EXOC6B: variants seen among roughly 807,000 people sequenced by gnomAD.
EXOC6B encodes SEC15 homolog B.
In EXOC6B, 54 loss-of-function variants were observed where a neutral mutation model predicts 113.5. The observed-to-expected ratio is 0.48, with a 90% CI of 0.38 to 0.60. The LOEUF is 0.60. EXOC6B is among the 20% of genes least tolerant of loss of function. EXOC6B has a pLI of 0.00. For missense variants in EXOC6B, 797 were observed against 977.5 expected, an observed-to-expected ratio of 0.82 and a Z score of 2.46; for synonymous variants, 357 against 339.0, an observed-to-expected ratio of 1.05 and a Z score of -0.58.
intron 20 of EXOC6B, among the ~76,000 whole-genome samples, chr2:72,329,723 G>A (rs1271480060): frequency 6.6e-6 from 1 of 152,008 alleles, no homozygotes; most frequent in Non-Finnish European, 1.5e-5. Flanking sequence ...ACATAGTTAA[G>A]TTCTTGAGTT....
intron 20 of EXOC6B, among the ~76,000 whole-genome samples, chr2:72,305,364 A>ATGTATATGTATATGTATT (rs1553370859): frequency 6.6e-5 from 10 of 151,350 alleles, no homozygotes; most frequent in African/African-American, 1.5e-4. Flanking sequence ...GTATATGTAT[A>ATGTATATGTATATGTATT]TGTATATGTG....
intron 18 of EXOC6B, among the ~76,000 whole-genome samples, chr2:72,427,455 G>A (rs1311254320): frequency 6.6e-6 from 1 of 152,186 alleles, no homozygotes; most frequent in East Asian, 1.9e-4. Context: ...CACTCCTGGT[G>A]CCCACTCCCA....
intron 6 of EXOC6B, among the ~76,000 whole-genome samples, chr2:72,669,562 A>T (rs1260034744): frequency 1.3e-5 from 2 of 152,188 alleles, no homozygotes; most frequent in African/African-American, 4.8e-5. Flanking sequence ...AACAAACCAA[A>T]CAGTATCCTT....
chr2:72,270,472 A>C (rs2104624690), intron 20 of EXOC6B, among the ~76,000 whole-genome samples: 1 of 152,278 alleles, frequency 6.6e-6, no homozygotes, highest in East Asian at 1.9e-4. Context: ...TAAAAGACTA[A>C]AAAATTTGAA....
At chr2:72,751,543 G>C (rs1312198357) in intron 1 of EXOC6B, among the ~76,000 whole-genome samples, 1 of 152,012 alleles carries the variant, frequency 6.6e-6, no homozygotes, top group Non-Finnish European at 1.5e-5. Context: ...CGAGAGGAAG[G>C]GTCCATTGAG....
rs1181761717 is a variant in EXOC6B at position 72,595,446 on chromosome 2, AAAAAC to A, written c.670-19783_670-19779del. 2.0e-5 allele frequency among the ~76,000 whole-genome samples: 3 copies of A among 150,812 alleles called. No individual in the cohort carries two copies. In the East Asian group the frequency reaches 5.8e-4, roughly 29 times the overall value. On this transcript the variant is annotated intron_variant, in intron 6 of 21. Transcript: ENST00000272427. ...AAAAATAATTTTGTGTAGTAAAAGA[AAAAAC>A]AAAAACTTTTCTATAATATCAAGAA... is the stretch of plus-strand genomic sequence containing the variant.
At chr2:72,617,128 T>C (rs1671427855) in intron 6 of EXOC6B, among the ~76,000 whole-genome samples, 1 of 152,228 alleles carries the variant, frequency 6.6e-6, no homozygotes. Flanking sequence ...ATGTCTCGCA[T>C]CCAGGTCACT....
intron 6 of EXOC6B, among the ~76,000 whole-genome samples, chr2:72,610,549 C>T (rs1002166618): frequency 6.6e-6 from 1 of 152,142 alleles, no homozygotes; most frequent in Non-Finnish European, 1.5e-5. Context: ...CCTGAAAGAA[C>T]TCCCAATCTG....
At chr2:72,762,104 C>T (rs1170423441) in intron 1 of EXOC6B, among the ~76,000 whole-genome samples, 18 of 151,866 alleles carry the variant, frequency 1.2e-4, no homozygotes, top group Non-Finnish European at 2.1e-4. Context: ...ATTAGCTGGG[C>T]GTGGTGGCAT....
At chr2:72,661,719 A>G (rs1328309006) in intron 6 of EXOC6B, among the ~76,000 whole-genome samples, 1 of 152,110 alleles carries the variant, frequency 6.6e-6, no homozygotes, top group African/African-American at 2.4e-5. Flanking sequence ...ATTTATATAG[A>G]GAAGCAAAGA....
chr2:72,402,993 A>G (rs530118101), intron 18 of EXOC6B, among the ~76,000 whole-genome samples: 1 of 152,308 alleles, frequency 6.6e-6, no homozygotes, highest in Admixed American at 6.5e-5. Flanking sequence ...CCAAGACCAA[A>G]AAACCAAAAA....
At position 72,825,061 on chromosome 2, in the gene EXOC6B, T is replaced by C. The variant is rs1436058654; in HGVS notation, c.113+737A>G. ...ACTTTATACAACGTCTTGGACTTTA[T>C]GTAACAAGTGCTACCTAAATTTGTT... On this transcript the variant is annotated intron_variant, in intron 1 of 21. Transcript: ENST00000272427. The surrounding 1 kb of genome is among the most constrained non-coding windows in gnomAD (Gnocchi z 4.4). 6.6e-6 allele frequency among the ~76,000 whole-genome samples: 1 copy of C among 152,232 alleles called. No homozygotes were observed. Among genetic ancestry groups the C allele is most frequent in the Non-Finnish European group, 1.5e-5 (1 of 68,044 alleles).
At chr2:72,370,068 A>C (rs1690903921) in intron 19 of EXOC6B, among the ~76,000 whole-genome samples, 1 of 152,244 alleles carries the variant, frequency 6.6e-6, no homozygotes, top group South Asian at 2.1e-4. Flanking sequence ...ATCAGAGTGA[A>C]CAGGCAACCT....
At chr2:72,223,525 A>T (rs1681004906) in intron 20 of EXOC6B, among the ~76,000 whole-genome samples, 2 of 152,094 alleles carry the variant, frequency 1.3e-5, no homozygotes, top group South Asian at 2.1e-4. Context: ...TTAAAATTAA[A>T]TTTTTTGCCT....
At chr2:72,643,986 A>T (rs1673481825) in intron 6 of EXOC6B, among the ~76,000 whole-genome samples, 1 of 152,134 alleles carries the variant, frequency 6.6e-6, no homozygotes, top group African/African-American at 2.4e-5. Context: ...GAAGGTCGGT[A>T]ATAACAAACT....
chr2:72,301,907 T>C (rs938972110), intron 20 of EXOC6B, among the ~76,000 whole-genome samples: 34 of 152,196 alleles, frequency 2.2e-4, no homozygotes, highest in African/African-American at 8.0e-4. Flanking sequence ...CTCTTGATTC[T>C]TTAGTTCTTT....
chr2:72,439,233 A>G (rs1285764163), intron 18 of EXOC6B, among the ~76,000 whole-genome samples: 1 of 152,176 alleles, frequency 6.6e-6, no homozygotes, highest in African/African-American at 2.4e-5. Context: ...CATCTTGGGG[A>G]TATTTAACTA....
At chr2:72,392,227 T>A (rs1213389146) in intron 18 of EXOC6B, among the ~76,000 whole-genome samples, 3 of 152,162 alleles carry the variant, frequency 2.0e-5, no homozygotes, top group Admixed American at 1.3e-4. Flanking sequence ...CCTGAAGCAG[T>A]GGCTTACCCT....
chr2:72,718,192 T>C lies in EXOC6B; in HGVS notation c.580A>G (p.Ile194Val). The change falls in exon 6 of 22, where the codon ATA (isoleucine) becomes GTA (valine). Residue 194 changes from isoleucine (I) to valine (V), a missense_variant. Coordinates refer to ENST00000272427, the MANE Select transcript of EXOC6B (RefSeq NM_015189.3). ...AGATCGGACATAGAAACATCTTTTA[T>C]TTCTTCTCGAAGCTTGGGGATGTTG... ...VDNIPKLREE[I>V]KDVSMSDLKD... 1 of 1,613,912 alleles carries C rather than the reference T, an allele frequency of 6.2e-7. No homozygotes were observed. The highest frequency in any genetic ancestry group is 8.5e-7 in the Non-Finnish European group (1 of 1,179,828).
Sources: allele counts gnomAD v4.1 joint callset (sites outside exome capture counted in the v4.1 genomes callset), GRCh38; gene constraint gnomAD v4.1.1; non-coding constraint Gnocchi (gnomAD v3.1); transcripts MANE v1.5; gene names NCBI Gene and HGNC (gene_info 2026-07-23, HGNC 2026-07-21).